The following SSBP3 variants were observed in gnomAD, a reference collection of about 807,000 sequenced individuals.
SSBP3 encodes the protein single stranded DNA binding protein 3, also known as single-stranded DNA-binding protein 3.
A neutral mutation model predicts 69.6 loss-of-function variants in SSBP3; 5 were observed. The observed-to-expected ratio is 0.07, with a 90% CI of 0.04 to 0.15. The LOEUF is 0.15. Ranked by LOEUF, SSBP3 falls within the 10% of genes least tolerant of loss-of-function variation. SSBP3 has a pLI of 1.00. For missense variants in SSBP3, 312 were observed against 534.0 expected (o/e 0.58, Z 4.10); for synonymous variants, 196 against 193.4 (o/e 1.01, Z -0.11).
At chr1:54,238,383 C>CT (rs761485729) in intron 14 of SSBP3, 16 of 464,998 alleles carry the variant, frequency 3.4e-5, no homozygotes, top group Non-Finnish European at 7.2e-5. Context: ...CCTGGAGGGG[C>CT]AAGGCTGAAC....
chr1:54,328,200 AG>A (rs1646345313), intron 4 of SSBP3, among the ~76,000 whole-genome samples: 1 of 152,108 alleles, frequency 6.6e-6, no homozygotes, highest in Non-Finnish European at 1.5e-5. Context: ...CAGGGCCCGC[AG>A]CGAACAATGA....
At chr1:54,228,943 G>A in intron 14 of SSBP3, 117 bp from the exon 15 acceptor site, 1 of 1,083,872 alleles carries the variant, frequency 9.2e-7, no homozygotes, top group South Asian at 1.4e-5. Context: ...TGCTCCGGCA[G>A]GCTCTGCTCA....
At chr1:54,230,661 C>T (rs1324191075) in intron 14 of SSBP3, among the ~76,000 whole-genome samples, 1 of 152,176 alleles carries the variant, frequency 6.6e-6, no homozygotes, top group African/African-American at 2.4e-5. Context: ...CTGTACCCGA[C>T]TGCAGTCATT....
At chr1:54,292,908 A>C (rs1645634095) in intron 4 of SSBP3, among the ~76,000 whole-genome samples, 1 of 151,900 alleles carries the variant, frequency 6.6e-6, no homozygotes, top group South Asian at 2.1e-4. Context: ...TCACATCCCT[A>C]CCCTGCCAAG....
chr1:54,404,047 A>G (rs1649503729), intron 3 of SSBP3, among the ~76,000 whole-genome samples: 1 of 151,980 alleles, frequency 6.6e-6, no homozygotes, highest in Admixed American at 6.6e-5. Flanking sequence ...TCCCAGAGGA[A>G]AGGAAGGACC....
At chr1:54,339,790 G>C (rs1646574645) in intron 4 of SSBP3, among the ~76,000 whole-genome samples, 1 of 152,130 alleles carries the variant, frequency 6.6e-6, no homozygotes, top group Non-Finnish European at 1.5e-5. Context: ...GCGGGCGCCT[G>C]TAATTCCAGC....
At chr1:54,396,193 G>GAAAAAAAAAAAAAAAA (rs59276509) in intron 4 of SSBP3, among the ~76,000 whole-genome samples, 83 of 40,578 alleles carry the variant, frequency 2.0e-3, no homozygotes, top group African/African-American at 3.6e-3. Context: ...CTCCATCTCA[G>GAAAAAAAAAAAAAAAA]AAAAAAAAAA....
chr1:54,253,635 T>A (rs1644870114), intron 7 of SSBP3, among the ~76,000 whole-genome samples: 1 of 152,226 alleles, frequency 6.6e-6, no homozygotes, highest in Admixed American at 6.5e-5. Context: ...TAGCTCTGAA[T>A]CACTTGGCTG....
At chr1:54,400,083 A>G (rs1031559766) in intron 4 of SSBP3, among the ~76,000 whole-genome samples, 12 of 152,232 alleles carry the variant, frequency 7.9e-5, no homozygotes, top group Non-Finnish European at 1.8e-4. Flanking sequence ...TTCTACTGCC[A>G]TTCCTCAGCA....
intron 9 of SSBP3, among the ~76,000 whole-genome samples, chr1:54,248,469 C>T (rs1644770445): frequency 6.6e-6 from 1 of 152,220 alleles, no homozygotes; most frequent in East Asian, 1.9e-4. Flanking sequence ...GGAGGCCCAG[C>T]CAGGCTGAGC....
chr1:54,284,780 T>G (rs1645458093), intron 4 of SSBP3, among the ~76,000 whole-genome samples: 1 of 152,014 alleles, frequency 6.6e-6, no homozygotes, highest in African/African-American at 2.4e-5. Context: ...AAAAAAAAAA[T>G]TAAATGAAAA....
chr1:54,331,992 T>C (rs1646425342), intron 4 of SSBP3, among the ~76,000 whole-genome samples: 1 of 152,216 alleles, frequency 6.6e-6, no homozygotes, highest in Non-Finnish European at 1.5e-5. Flanking sequence ...CACAGACCTG[T>C]GCAGGGCTGC....
At chr1:54,403,841 C>T (rs1316993272) in intron 3 of SSBP3, among the ~76,000 whole-genome samples, 3 of 152,146 alleles carry the variant, frequency 2.0e-5, no homozygotes, top group African/African-American at 7.2e-5. Context: ...ACCCTGAGCT[C>T]CCTCCTGGCT....
At chr1:54,347,103 A>T (rs1291000202) in intron 4 of SSBP3, among the ~76,000 whole-genome samples, 1 of 152,122 alleles carries the variant, frequency 6.6e-6, no homozygotes, top group Non-Finnish European at 1.5e-5. Flanking sequence ...CTGGGACTGC[A>T]GGCATACACC....
At chr1:54,326,050 G>C (rs1041527110) in intron 4 of SSBP3, among the ~76,000 whole-genome samples, 1 of 151,780 alleles carries the variant, frequency 6.6e-6, no homozygotes, top group Non-Finnish European at 1.5e-5. Flanking sequence ...TATAGGAGCA[G>C]GTTCCTTTTA....
chr1:54,391,064 G>A (rs532938034), intron 4 of SSBP3, among the ~76,000 whole-genome samples: 12 of 152,346 alleles, frequency 7.9e-5, no homozygotes, highest in Admixed American at 1.3e-4. Context: ...ACACAGACAC[G>A]GGCGCCAGCC....
chr1:54,231,270 T>G (rs751097407), intron 14 of SSBP3, among the ~76,000 whole-genome samples: 1 of 152,250 alleles, frequency 6.6e-6, no homozygotes, highest in African/African-American at 2.4e-5. Context: ...GTGGTTTTGA[T>G]TTGCATTTCC....
chr1:54,234,421 C>G (rs533365855), intron 14 of SSBP3, among the ~76,000 whole-genome samples: 1 of 151,400 alleles, frequency 6.6e-6, no homozygotes, highest in Non-Finnish European at 1.5e-5. Flanking sequence ...GACCTCATCT[C>G]TACAACAACA....
chr1:54,298,275 C>G lies in SSBP3; in HGVS notation c.277-16748G>C, dbSNP rs79012217. On this transcript the variant is annotated intron_variant, in intron 4 of 17. Transcript: ENST00000610401. ...GGTCTGGGGAGGCCTAGCTCGGACC[C>G]CTCTCTGCACTACCATGCCGTACGG... is the stretch of plus-strand genomic sequence containing the variant. Among the ~76,000 whole-genome samples, 261 of 152,230 alleles carry G rather than the reference C, an allele frequency of 1.7e-3. 1 individual carries two copies. Among genetic ancestry groups the G allele is most frequent in the South Asian group, 8.7e-3 (42 of 4,826 alleles).
Sources: gnomAD v4.1 joint callset for allele counts (sites outside exome capture counted in the v4.1 genomes callset) on GRCh38, gnomAD v4.1.1 for gene constraint, MANE v1.5 for transcripts, NCBI Gene and HGNC (gene_info 2026-07-23, HGNC 2026-07-21) for gene names.